The following PTPRT variants were observed in gnomAD, a reference collection of about 807,000 sequenced individuals.
PTPRT encodes the protein protein tyrosine phosphatase receptor type T.
A neutral mutation model predicts 176.8 loss-of-function variants in PTPRT; 56 were observed. The ratio of observed to expected loss-of-function variants is 0.32; its 90% CI spans 0.26 to 0.40. PTPRT has a LOEUF of 0.40. PTPRT is among the 10% of genes least tolerant of loss of function. PTPRT has a pLI of 1.00. For synonymous variants in PTPRT, 783 were observed against 739.0 expected (o/e 1.06, Z -0.96); for missense variants, 1,540 against 1,908.2 (o/e 0.81, Z 3.60).
intron 1 of PTPRT, among the ~76,000 whole-genome samples, chr20:42,911,976 CT>C (rs11475084): frequency 0.063 from 7,801 of 124,366 alleles, 257 homozygotes; most frequent in African/African-American, 0.19. Context: ...ATCCTCTTTT[CT>C]TTTTTTTTTT....
At chr20:42,739,214 C>T (rs1196223529) in intron 6 of PTPRT, among the ~76,000 whole-genome samples, 1 of 152,124 alleles carries the variant, frequency 6.6e-6, no homozygotes, top group Non-Finnish European at 1.5e-5. Context: ...CCAACAGCTC[C>T]ATGGCAGTGG....
chr20:42,188,549 T>G (rs1354044517), intron 16 of PTPRT, among the ~76,000 whole-genome samples: 1 of 152,084 alleles, frequency 6.6e-6, no homozygotes, highest in Non-Finnish European at 1.5e-5. Context: ...TGTCCAGCAA[T>G]TACTCACAAA....
At chr20:42,086,924 G>T (rs1984023982) in intron 27 of PTPRT, among the ~76,000 whole-genome samples, 1 of 150,296 alleles carries the variant, frequency 6.7e-6, no homozygotes, top group Non-Finnish European at 1.5e-5. Flanking sequence ...TCTTGCCTAT[G>T]ATTCTTTCTA....
chr20:43,173,912 G>A (rs2015065120), intron 1 of PTPRT, among the ~76,000 whole-genome samples: 1 of 152,120 alleles, frequency 6.6e-6, no homozygotes, highest in Non-Finnish European at 1.5e-5. Context: ...TAAGAACCTG[G>A]ACTCTGAATG....
chr20:42,771,765 A>G (rs2077066794), intron 4 of PTPRT, among the ~76,000 whole-genome samples: 1 of 152,202 alleles, frequency 6.6e-6, no homozygotes, highest in African/African-American at 2.4e-5. Context: ...ACAGAAATCC[A>G]TGAAGTGGGC....
chr20:42,433,653 A>G (rs535509791), intron 9 of PTPRT, among the ~76,000 whole-genome samples: 1 of 152,332 alleles, frequency 6.6e-6, no homozygotes, highest in East Asian at 1.9e-4. Flanking sequence ...TTTTAAAACA[A>G]GGAGGAAAAC....
At chr20:42,648,919 T>C (rs531899854) in intron 7 of PTPRT, among the ~76,000 whole-genome samples, 43 of 148,574 alleles carry the variant, frequency 2.9e-4, no homozygotes, top group South Asian at 1.6e-3. Flanking sequence ...CCCGGGTTCA[T>C]GCCATTCTCC....
chr20:42,807,737 C>T (rs1160751989), intron 2 of PTPRT, among the ~76,000 whole-genome samples: 2 of 152,136 alleles, frequency 1.3e-5, no homozygotes, highest in Non-Finnish European at 2.9e-5. Context: ...CAATCTCTTC[C>T]ACTCCCTTAT....
chr20:43,035,360 G>C (rs541677939), intron 1 of PTPRT, among the ~76,000 whole-genome samples: 1 of 152,334 alleles, frequency 6.6e-6, no homozygotes, highest in Non-Finnish European at 1.5e-5. Context: ...AAAGGCTTCT[G>C]TAAAGGACCA....
chr20:42,833,053 A>G (rs1260788997), intron 2 of PTPRT, among the ~76,000 whole-genome samples: 2 of 152,078 alleles, frequency 1.3e-5, no homozygotes, highest in Non-Finnish European at 2.9e-5. Context: ...CTGCACCACT[A>G]CACTCCAACC....
intron 15 of PTPRT, among the ~76,000 whole-genome samples, chr20:42,200,067 C>CAA (rs3974316): frequency 0.22 from 32,857 of 151,632 alleles, 4,048 homozygotes; most frequent in African/African-American, 0.31. Flanking sequence ...AAAATACACA[C>CAA]ACACACACAC....
intron 7 of PTPRT, among the ~76,000 whole-genome samples, chr20:42,643,893 C>T (rs570648987): frequency 6.6e-6 from 1 of 151,396 alleles, no homozygotes; most frequent in African/African-American, 2.5e-5. Context: ...TGGCTGCCTT[C>T]CTCTCTGAGC....
intron 7 of PTPRT, among the ~76,000 whole-genome samples, chr20:42,633,802 T>C: frequency 1.1e-5 from 1 of 94,562 alleles, no homozygotes; most frequent in East Asian, 2.6e-4. Context: ...TATATATATA[T>C]ATATATATAT....
rs138743138 is a variant in PTPRT at position 42,755,255 on chromosome 20, C to T, written c.859+1207G>A. On this transcript the variant is annotated intron_variant, in intron 6 of 30. Coordinates refer to ENST00000373187, the MANE Select transcript of PTPRT (RefSeq NM_007050.6). ...CAGCATAGAGAATCCCAGCCTGCAA[C>T]CCCCAGTCCAGTTGGCCCAAGGATC... Among the ~76,000 whole-genome samples the T allele has an allele frequency of 5.3e-3, 807 of 152,258 alleles. 6 individuals carry two copies. The highest frequency in any genetic ancestry group is 0.01 in the Middle Eastern group (3 of 294).
intron 1 of PTPRT, among the ~76,000 whole-genome samples, chr20:42,991,071 G>C (rs146824638): frequency 6.6e-6 from 1 of 152,122 alleles, no homozygotes; most frequent in Non-Finnish European, 1.5e-5. Flanking sequence ...GAGAGAAAGC[G>C]GGCGGAACTC....
chr20:42,538,290 A>G lies in PTPRT; in HGVS notation c.1154-65728T>C, dbSNP rs549750868. 3.9e-5 allele frequency among the ~76,000 whole-genome samples: 6 copies of G among 152,240 alleles called. No individual in the cohort carries two copies. In the East Asian group the frequency reaches 1.2e-3, roughly 29 times the overall value. On this transcript the variant is annotated intron_variant, in intron 7 of 30. Transcript: ENST00000373187. ...GCTGCTCAGCAGGACACCCCTCTCA[A>G]GGTTCCTTTTCCAAGTCTTCTCTGA...
intron 7 of PTPRT, among the ~76,000 whole-genome samples, chr20:42,584,460 T>C (rs1340358351): frequency 6.6e-6 from 1 of 152,126 alleles, no homozygotes; most frequent in Non-Finnish European, 1.5e-5. Flanking sequence ...CAGCACGGCA[T>C]GGTCCCTGGC....
intron 7 of PTPRT, among the ~76,000 whole-genome samples, chr20:42,530,444 G>A (rs1334379422): frequency 6.6e-6 from 1 of 152,214 alleles, no homozygotes; most frequent in East Asian, 1.9e-4. Context: ...TGTGTTAAGT[G>A]TTGGGGGAGG....
At chr20:42,641,766 G>A (rs2145932700) in intron 7 of PTPRT, among the ~76,000 whole-genome samples, 1 of 152,258 alleles carries the variant, frequency 6.6e-6, no homozygotes, top group East Asian at 1.9e-4. Flanking sequence ...GTAAAGAGAG[G>A]CAAGGCAAAG....
Sources: allele counts gnomAD v4.1 joint callset (sites outside exome capture counted in the v4.1 genomes callset), GRCh38; gene constraint gnomAD v4.1.1; transcripts MANE v1.5; gene names NCBI Gene and HGNC (gene_info 2026-07-23, HGNC 2026-07-21).